ADGRL2: variants seen among roughly 807,000 people sequenced by gnomAD.
The protein encoded by ADGRL2 is calcium-independent alpha-latrotoxin receptor 2.
Under a neutral mutation model 157.4 loss-of-function variants are expected in ADGRL2, and 44 were observed. The observed-to-expected ratio is 0.28, with a 90% CI of 0.22 to 0.36. The LOEUF is 0.36. Ranked by LOEUF, ADGRL2 falls within the 10% of genes least tolerant of loss-of-function variation. The probability of loss-of-function intolerance (pLI) is 1.00; values close to 1 mark genes in which losing one functional copy is unlikely to be tolerated. For synonymous variants in ADGRL2, 585 were observed against 624.7 expected, an observed-to-expected ratio of 0.94 and a Z score of 0.95; for missense variants, 1,510 against 1,768.9, an observed-to-expected ratio of 0.85 and a Z score of 2.63.
intron 1 of ADGRL2, among the ~76,000 whole-genome samples, chr1:81,738,842 G>T (rs951771649): frequency 6.6e-6 from 1 of 152,146 alleles, no homozygotes; most frequent in South Asian, 2.1e-4. Context: ...CCTTGGCCTG[G>T]TGACCTAAGT....
intron 1 of ADGRL2, among the ~76,000 whole-genome samples, chr1:81,742,409 G>GA (rs1218794376): frequency 6.6e-6 from 1 of 151,930 alleles, no homozygotes; most frequent in African/African-American, 2.4e-5. Flanking sequence ...GGAAAAAGAA[G>GA]AAAACATTTC....
intron 1 of ADGRL2, among the ~76,000 whole-genome samples, chr1:81,322,976 G>T (rs2100638739): frequency 6.6e-6 from 1 of 151,908 alleles, no homozygotes; most frequent in African/African-American, 2.4e-5. Flanking sequence ...TCCTGCCTCA[G>T]CCCCCTGAAT....
chr1:81,798,927 C>T (rs1331938855), upstream of ADGRL2, among the ~76,000 whole-genome samples: 1 of 29,006 alleles, frequency 3.4e-5, no homozygotes, highest in Non-Finnish European at 9.8e-5. Flanking sequence ...GTGAATGGTG[C>T]CCAGATGAGT....
In ADGRL2 at chr1:81,591,003, C is replaced by T. The variant is rs116587297; in HGVS notation, c.-143+10023C>T. On this transcript the variant is annotated intron_variant, in intron 3 of 24. Coordinates refer to the ADGRL2 transcript ENST00000370721. ...ACATGCAGTCAAGTCCTAGATATCA[C>T]GTGGAGTGTGTAACTCATTTCCTTC... Among the ~76,000 whole-genome samples, 335 of 152,266 alleles carry T rather than the reference C, an allele frequency of 2.2e-3. 1 individual carries two copies. The highest frequency in any genetic ancestry group is 7.8e-3 in the African/African-American group (324 of 41,556).
chr1:81,909,475 T>G (rs2148364178), intron 3 of ADGRL2, among the ~76,000 whole-genome samples: 1 of 152,302 alleles, frequency 6.6e-6, no homozygotes, highest in Admixed American at 6.5e-5. Context: ...TTCAACGAAT[T>G]ATAGGTAAAA....
At chr1:81,544,718 C>T (rs1449359508) in intron 2 of ADGRL2, among the ~76,000 whole-genome samples, 1 of 152,198 alleles carries the variant, frequency 6.6e-6, no homozygotes, top group African/African-American at 2.4e-5. Context: ...CAGGGGAGGC[C>T]GGAACTCTAT....
chr1:81,930,307 G>A (rs970578905), intron 3 of ADGRL2, among the ~76,000 whole-genome samples: 2 of 152,072 alleles, frequency 1.3e-5, no homozygotes, highest in African/African-American at 4.8e-5. Context: ...AAATACTGCT[G>A]TTAATCTGTG....
intron 1 of ADGRL2, among the ~76,000 whole-genome samples, chr1:81,761,404 T>A (rs2085876834): frequency 6.6e-6 from 1 of 151,964 alleles, no homozygotes; most frequent in Non-Finnish European, 1.5e-5. Context: ...AAAAAACTGA[T>A]CAATATTAAT....
At chr1:81,451,548 C>T (rs1200895730) in intron 2 of ADGRL2, among the ~76,000 whole-genome samples, 1 of 152,158 alleles carries the variant, frequency 6.6e-6, no homozygotes, top group Non-Finnish European at 1.5e-5. Context: ...ACTCTCCCTG[C>T]CTTAATACAT....
chr1:81,660,292 G>C (rs1210939889), intron 3 of ADGRL2, among the ~76,000 whole-genome samples: 1 of 152,146 alleles, frequency 6.6e-6, no homozygotes, highest in Non-Finnish European at 1.5e-5. Flanking sequence ...TTGTATATTA[G>C]ATCTGCCATC....
At chr1:81,770,714 C>A (rs1192846865) in intron 2 of ADGRL2, among the ~76,000 whole-genome samples, 2 of 147,186 alleles carry the variant, frequency 1.4e-5, no homozygotes, top group Non-Finnish European at 3.0e-5. Flanking sequence ...CTCAGGTGAT[C>A]CACCCGCCTC....
rs559699205 is a variant in ADGRL2, at chr1:81,583,995, A to C, written c.-143+3015A>C. ...CTGTGTTTAAATACACTGTGGGTGA[A>C]ACCCCAGACCTCTGCTTAATTGCTA... On this transcript the variant is annotated intron_variant, in intron 3 of 24. Coordinates refer to the ADGRL2 transcript ENST00000370721. 2.0e-5 allele frequency among the ~76,000 whole-genome samples: 3 copies of C among 152,266 alleles called. No homozygotes were observed. In the South Asian group the frequency reaches 6.2e-4, roughly 32 times the overall value.
intron 1 of ADGRL2, among the ~76,000 whole-genome samples, chr1:81,377,631 C>G (rs967143163): frequency 2.0e-5 from 3 of 152,018 alleles, no homozygotes; most frequent in African/African-American, 7.2e-5. Context: ...CGTCACCAGC[C>G]CACATCCAGG....
intron 1 of ADGRL2, among the ~76,000 whole-genome samples, chr1:81,804,387 CA>C (rs1381333265): frequency 6.6e-6 from 1 of 152,208 alleles, no homozygotes; most frequent in Non-Finnish European, 1.5e-5. Flanking sequence ...TGAATTAATG[CA>C]AGTGTGAATT....
At chr1:81,957,680 C>T (rs1035503755) in intron 11 of ADGRL2, among the ~76,000 whole-genome samples, 2 of 151,464 alleles carry the variant, frequency 1.3e-5, no homozygotes, top group African/African-American at 4.9e-5. Flanking sequence ...CTGCACTCCA[C>T]CCTGGATGAT....
intron 23 of ADGRL2, among the ~76,000 whole-genome samples, chr1:81,989,427 G>A (rs1664113652): frequency 6.6e-6 from 1 of 152,180 alleles, no homozygotes; most frequent in Non-Finnish European, 1.5e-5. Flanking sequence ...TGTGACTGAT[G>A]CAGACTGCAG....
intron 2 of ADGRL2, among the ~76,000 whole-genome samples, chr1:81,456,501 G>A (rs1457925902): frequency 1.3e-5 from 2 of 152,070 alleles, no homozygotes; most frequent in Non-Finnish European, 1.5e-5. Context: ...GCCTCCCAAA[G>A]TGCTAGGGTT....
chr1:81,337,144 A>G (rs1268362426), intron 1 of ADGRL2, among the ~76,000 whole-genome samples: 2 of 152,048 alleles, frequency 1.3e-5, no homozygotes, highest in African/African-American at 4.8e-5. Flanking sequence ...ATCCCTTCCC[A>G]CCTTCCAACA....
At chr1:81,378,447 G>C (rs542510009) in intron 1 of ADGRL2, among the ~76,000 whole-genome samples, 2 of 151,780 alleles carry the variant, frequency 1.3e-5, no homozygotes, top group Admixed American at 1.3e-4. Context: ...TGTAGTCCCA[G>C]CTACTTGGAG....
Sources: allele counts gnomAD v4.1 joint callset (sites outside exome capture counted in the v4.1 genomes callset), GRCh38; gene constraint gnomAD v4.1.1; transcripts MANE v1.5; gene names NCBI Gene and HGNC (gene_info 2026-07-23, HGNC 2026-07-21).